The following RBM27 variants were observed in gnomAD, a reference collection of about 807,000 sequenced individuals.
RBM27 encodes the protein RNA-binding protein 27.
RBM27 carries 22 observed loss-of-function variants against 135.3 expected under a neutral mutation model. The observed-to-expected ratio is 0.16, with a 90% CI of 0.12 to 0.23. RBM27 has a LOEUF of 0.23. Among genes scored for constraint, RBM27 ranks in the 10% least tolerant of loss-of-function variants. The pLI is 1.00. For synonymous variants in RBM27, 481 were observed against 442.4 expected (o/e 1.09, Z -1.10); for missense variants, 1,009 against 1,281.0 (o/e 0.79, Z 3.24).
In RBM27 at chr5:146,229,770, A is replaced by G. The variant is rs200767195; in HGVS notation, c.449A>G (p.Tyr150Cys). ...DGKWRDYDRY[Y>C]ERNELYREKY... ...AAATGGAGAGACTATGACCGGTACT[A>G]TGAGCGGAATGAATTGTACCGTGAG... Residue 150 changes from tyrosine (Y) to cysteine (C), a missense_variant, in exon 5 of 21, where the codon TAT becomes TGT. This residue lies in a region of RBM27 where 268 missense variants were observed against 326.6 expected (regional missense o/e 0.82). Coordinates refer to ENST00000265271, the MANE Select transcript of RBM27 (RefSeq NM_018989.2). 11 of 1,613,114 alleles carry G rather than the reference A, an allele frequency of 6.8e-6. No homozygotes were observed. The highest frequency in any genetic ancestry group is 1.3e-5 in the African/African-American group (1 of 74,996).
chr5:146,218,606 A>G (rs1303015988), intron 1 of RBM27, among the ~76,000 whole-genome samples: 1 of 152,190 alleles, frequency 6.6e-6, no homozygotes, highest in African/African-American at 2.4e-5. Flanking sequence ...TTGCTCATTA[A>G]TCACCTGGAA....
At chr5:146,239,472 CTTTTTTTTTTTTTT>C (rs916182587) in intron 8 of RBM27, among the ~76,000 whole-genome samples, 2 of 55,360 alleles carry the variant, frequency 3.6e-5, no homozygotes, top group Non-Finnish European at 7.1e-5. Context: ...TTTTCCTTTT[CTTTTTTTTTTTTTT>C]TTTTTTTTTG....
chr5:146,222,784 C>G (rs1756512151), intron 2 of RBM27, among the ~76,000 whole-genome samples: 1 of 152,302 alleles, frequency 6.6e-6, no homozygotes, highest in South Asian at 2.1e-4. Flanking sequence ...AAGTTTCAAA[C>G]AGAGCACCCT....
rs564396187 is a variant in RBM27 at position 146,206,056 on chromosome 5, T to C, written c.59+2232T>C. On this transcript the variant is annotated intron_variant, in intron 1 of 20. Coordinates refer to ENST00000265271, the MANE Select transcript of RBM27 (RefSeq NM_018989.2). The stretch of plus-strand genomic sequence containing the variant: ...AATAAAAAAAGTGTTATTCATGTTA[T>C]TTAAGATTAAAAAAGAAAAAATACA... 2.0e-4 allele frequency among the ~76,000 whole-genome samples: 31 copies of C among 152,280 alleles called. No homozygotes were observed. The South Asian group carries it at 6.4e-3, about 32-fold the overall frequency.
At chr5:146,253,346 A>G (rs1007636082) in intron 9 of RBM27, among the ~76,000 whole-genome samples, 2 of 152,144 alleles carry the variant, frequency 1.3e-5, no homozygotes, top group Middle Eastern at 3.2e-3. Context: ...GACTGAATGC[A>G]AGCCTTAGGA....
chr5:146,269,646 C>A, intron 17 of RBM27, 62 bp downstream of exon 17: 1 of 1,193,216 alleles, frequency 8.4e-7, no homozygotes, highest in Non-Finnish European at 1.1e-6. Context: ...TGCTTGACAC[C>A]TTGAAAGTAC....
At chr5:146,257,895 C>A (rs1758183629) in intron 10 of RBM27, among the ~76,000 whole-genome samples, 1 of 152,060 alleles carries the variant, frequency 6.6e-6, no homozygotes, top group African/African-American at 2.4e-5. Context: ...CGGCTCACCA[C>A]AACCTCCGTC....
At chr5:146,256,771 A>C (rs1354440450) in intron 10 of RBM27, among the ~76,000 whole-genome samples, 1 of 152,202 alleles carries the variant, frequency 6.6e-6, no homozygotes, top group Non-Finnish European at 1.5e-5. Flanking sequence ...TAAGTGGCAG[A>C]ACTAGAATTC....
At chr5:146,285,849 C>A in intron 20 of RBM27, 98 bp from the exon 21 acceptor site, 1 of 866,432 alleles carries the variant, frequency 1.2e-6, no homozygotes, top group Non-Finnish European at 1.8e-6. Context: ...GAAATCTAGC[C>A]TGGGCTTTGT....
rs181734782 is a variant in RBM27 at position 146,211,535 on chromosome 5, G to A, written c.60-7450G>A. On this transcript the variant is annotated intron_variant, in intron 1 of 20. Coordinates refer to ENST00000265271, the MANE Select transcript of RBM27 (RefSeq NM_018989.2). ...TCGCTCTTGTTGCCGAGGCTGGAGTGCAATGGCATGATCTCGGCTCACCAC... is the reference window on the plus strand; with the variant it reads ...TCGCTCTTGTTGCCGAGGCTGGAGTACAATGGCATGATCTCGGCTCACCAC... Among the ~76,000 whole-genome samples, 164 of 127,954 alleles carry A rather than the reference G, an allele frequency of 1.3e-3. 1 individual carries two copies. The Admixed American group carries it at 0.013, about 10-fold the overall frequency. 83.9% of individuals were successfully genotyped at this position (127,954 alleles called of 152,430 possible).
intron 9 of RBM27, among the ~76,000 whole-genome samples, chr5:146,253,486 AT>A (rs1757979653): frequency 1.3e-5 from 2 of 152,052 alleles, no homozygotes; most frequent in African/African-American, 4.8e-5. Context: ...TTAACATTTT[AT>A]TAGAGGGAGA....
chr5:146,237,356 A>G lies in RBM27; in HGVS notation c.1203A>G (p.Ala401=), dbSNP rs755878437. The G allele has an allele frequency of 2.5e-6, 4 of 1,614,184 alleles. No individual in the cohort carries two copies. The highest frequency in any genetic ancestry group is 2.5e-6 in the Non-Finnish European group (3 of 1,180,004). ...INSRDQPGTS[A]VPNLASVGTR... is the part of the protein sequence containing the mutation. ...GCCGTGACCAGCCTGGGACAAGTGCAGTGCCCAATCTTGCATCAGTGGGAA... is the reference window on the plus strand; with the variant it reads ...GCCGTGACCAGCCTGGGACAAGTGCGGTGCCCAATCTTGCATCAGTGGGAA... Residue 401 remains alanine, a synonymous_variant, in exon 8 of 21, where the codon GCA becomes GCG. Transcript: ENST00000265271.
chr5:146,233,314 A>C, intron 6 of RBM27, 136 bp from the exon 7 acceptor site: 1 of 1,368,560 alleles, frequency 7.3e-7, no homozygotes. Context: ...TTAACAGAGT[A>C]ACACTGAGAC....
chr5:146,279,446 A>G (rs1429647404), intron 19 of RBM27, among the ~76,000 whole-genome samples: 2 of 145,882 alleles, frequency 1.4e-5, no homozygotes, highest in East Asian at 2.1e-4. Context: ...GACTCTGTCT[A>G]AAAAACAAAA....
intron 14 of RBM27, among the ~76,000 whole-genome samples, chr5:146,264,332 C>T (rs1045489949): frequency 6.6e-6 from 1 of 151,780 alleles, no homozygotes; most frequent in African/African-American, 2.4e-5. Context: ...TACAGGCATG[C>T]GCCACCATGC....
At chr5:146,262,944 A>G (rs1427129976) in intron 13 of RBM27, among the ~76,000 whole-genome samples, 1 of 147,776 alleles carries the variant, frequency 6.8e-6, no homozygotes, top group Non-Finnish European at 1.5e-5. Context: ...GCTAGAGTGC[A>G]GTGGCTCAGT....
intron 19 of RBM27, among the ~76,000 whole-genome samples, chr5:146,273,985 A>G (rs1758979117): frequency 6.6e-6 from 1 of 152,158 alleles, no homozygotes; most frequent in Non-Finnish European, 1.5e-5. Context: ...TGCTGCCTTT[A>G]AAAATGTATT....
chr5:146,254,841 G>A, intron 9 of RBM27, 102 bp from the exon 10 acceptor site: 1 of 1,069,770 alleles, frequency 9.3e-7, no homozygotes, highest in Non-Finnish European at 1.3e-6. Context: ...GTATTTGTTG[G>A]AGAATATATG....
chr5:146,240,010 C>T (rs1472284219), intron 8 of RBM27, among the ~76,000 whole-genome samples: 1 of 151,908 alleles, frequency 6.6e-6, no homozygotes, highest in African/African-American at 2.4e-5. Context: ...AATTTCTGGG[C>T]TCAAGTTTCT....
Sources: gnomAD v4.1 joint callset for allele counts (sites outside exome capture counted in the v4.1 genomes callset) on GRCh38, gnomAD v4.1.1 for gene constraint, gnomAD v4.1.1 regional missense constraint, MANE v1.5 for transcripts, NCBI Gene and HGNC (gene_info 2026-07-23, HGNC 2026-07-21) for gene names.